FSTL1: variants seen among roughly 807,000 people sequenced by gnomAD.
FSTL1 encodes the protein follistatin like 1.
In FSTL1, 24 loss-of-function variants were observed where a neutral mutation model predicts 45.9. The observed-to-expected ratio is 0.52, with a 90% CI of 0.38 to 0.74. The LOEUF is 0.74. Ranked by LOEUF, FSTL1 falls within the 30% of genes least tolerant of loss-of-function variation. The pLI, the probability that FSTL1 is intolerant of heterozygous loss-of-function variation, is 0.00. For synonymous variants in FSTL1, 120 were observed against 137.6 expected, an observed-to-expected ratio of 0.87 and a Z score of 0.89; for missense variants, 340 against 381.8, an observed-to-expected ratio of 0.89 and a Z score of 0.91.
At position 120,450,736 on chromosome 3, in the gene FSTL1, C is replaced by T. The variant is rs1937877206; in HGVS notation, c.11G>A (p.Arg4His). 3 of 1,579,484 alleles carry T rather than the reference C, an allele frequency of 1.9e-6. No individual in the cohort carries two copies. Among genetic ancestry groups the T allele is most frequent in the Non-Finnish European group, 1.7e-6 (2 of 1,169,514 alleles). Residue 4 changes from arginine (R) to histidine (H), a missense_variant, in exon 2 of 11, where the codon CGC (arginine) becomes CAC (histidine). Coordinates refer to ENST00000295633, the MANE Select transcript of FSTL1 (RefSeq NM_007085.5). MWK[R>H]WLALALALVA... ...CAGCGCGAGCGCGAGCGCGAGCCAG[C>T]GTTTCCACATCTGCGGAAGAGAGAA...
rs931113713 is a variant in FSTL1 at position 120,392,901 on chromosome 3, C to A, written c.*4051G>T. The A allele has an allele frequency of 3.3e-4, 50 of 152,106 alleles. 2 individuals carry two copies. Among genetic ancestry groups the A allele is most frequent in the Admixed American group, 3.1e-3 (48 of 15,278 alleles). 9.4% of individuals were successfully genotyped at this position (152,106 alleles called of 1,614,324 possible). ...AAAGAAGCTCTAAAATAAAGCTGAT[C>A]AAAGTAACATACTTCTTTGCACAAT... On this transcript the variant is annotated 3_prime_UTR_variant, in exon 11 of 11. Transcript: ENST00000295633.
At chr3:120,436,647 A>C (rs1937565423) in intron 2 of FSTL1, among the ~76,000 whole-genome samples, 1 of 152,242 alleles carries the variant, frequency 6.6e-6, no homozygotes, top group Non-Finnish European at 1.5e-5. Flanking sequence ...AAGGAAAGAA[A>C]ATAGAAAATG....
intron 2 of FSTL1, among the ~76,000 whole-genome samples, chr3:120,447,065 G>C (rs1937764337): frequency 1.3e-5 from 2 of 152,156 alleles, no homozygotes; most frequent in South Asian, 4.1e-4. Flanking sequence ...GTACTTGCCA[G>C]GGCTGTCTTC....
chr3:120,415,414 C>T (rs1450295419), intron 3 of FSTL1, among the ~76,000 whole-genome samples: 1 of 152,176 alleles, frequency 6.6e-6, no homozygotes, highest in African/African-American at 2.4e-5. Context: ...ATGTGCTGAT[C>T]TAGAGGGTTG....
chr3:120,410,804 AGC>A, intron 5 of FSTL1, 146 bp downstream of exon 5: 1 of 762,648 alleles, frequency 1.3e-6, no homozygotes, highest in Non-Finnish European at 2.4e-6. Flanking sequence ...AGCTTTTCTG[AGC>A]TGTGTTGAGG....
intron 3 of FSTL1, 58 bp from the exon 4 acceptor site, chr3:120,412,041 ACACACACACATACATG>A (rs1937065380): frequency 5.8e-5 from 41 of 710,870 alleles, no homozygotes; most frequent in Non-Finnish European, 8.7e-5. Flanking sequence ...ACACAGACAC[ACACACACACATACATG>A]CACACACACA....
intron 2 of FSTL1, among the ~76,000 whole-genome samples, chr3:120,449,956 AGC>A (rs1234235989): frequency 2.0e-5 from 3 of 152,128 alleles, no homozygotes; most frequent in Non-Finnish European, 4.4e-5. Context: ...GAGTTAATGG[AGC>A]GGCTTCTGAG....
chr3:120,446,484 C>A (rs572483095), intron 2 of FSTL1, among the ~76,000 whole-genome samples: 1 of 152,374 alleles, frequency 6.6e-6, no homozygotes, highest in East Asian at 1.9e-4. Context: ...CCCTTCTGTT[C>A]TGGCTAGTCT....
At chr3:120,442,276 C>G (rs1482606166) in intron 2 of FSTL1, among the ~76,000 whole-genome samples, 1 of 152,154 alleles carries the variant, frequency 6.6e-6, no homozygotes, top group Non-Finnish European at 1.5e-5. Context: ...GTAACTTGCA[C>G]AAGGCCTCAC....
At chr3:120,397,579 C>T (rs190748869) in intron 10 of FSTL1, among the ~76,000 whole-genome samples, 138 of 152,268 alleles carry the variant, frequency 9.1e-4, no homozygotes, top group African/African-American at 3.2e-3. Context: ...ACTTGACACC[C>T]GCTAGGACAG....
Position 120,393,284 on chromosome 3 carries a change from A to G in FSTL1, c.*3668T>C, listed in dbSNP as rs955421849. On this transcript the variant is annotated 3_prime_UTR_variant, in exon 11 of 11. Coordinates refer to ENST00000295633, the MANE Select transcript of FSTL1 (RefSeq NM_007085.5). Reference sequence around the variant, plus strand: ...AATTTTAGGAAAGCAAAACTTCCACATGACTGAACCGAAGAAACCTTAAAC... The same window carrying G: ...AATTTTAGGAAAGCAAAACTTCCACGTGACTGAACCGAAGAAACCTTAAAC... 3.9e-5 allele frequency: 6 copies of G among 152,226 alleles called. No individual in the cohort carries two copies. The highest frequency in any genetic ancestry group is 1.4e-4 in the African/African-American group (6 of 41,454). 9.4% of individuals were successfully genotyped at this position (152,226 alleles called of 1,614,324 possible).
At chr3:120,442,765 A>G (rs1937649060) in intron 2 of FSTL1, among the ~76,000 whole-genome samples, 1 of 144,814 alleles carries the variant, frequency 6.9e-6, no homozygotes, top group Non-Finnish European at 1.5e-5. Flanking sequence ...CCTGGGTGAC[A>G]GAGCGGACTC....
At chr3:120,425,133 G>A (rs767174873) in intron 2 of FSTL1, among the ~76,000 whole-genome samples, 12 of 152,176 alleles carry the variant, frequency 7.9e-5, no homozygotes, top group Admixed American at 2.0e-4. Context: ...CACATGGCCA[G>A]GGTATGGGGC....
At chr3:120,450,118 G>T (rs1404356129) in intron 2 of FSTL1, among the ~76,000 whole-genome samples, 2 of 152,078 alleles carry the variant, frequency 1.3e-5, no homozygotes, top group Non-Finnish European at 2.9e-5. Context: ...CTTGCGCAAC[G>T]TTACAGGGAA....
intron 10 of FSTL1, among the ~76,000 whole-genome samples, 178 bp from the exon 11 acceptor site, chr3:120,397,174 C>T (rs956178698): frequency 1.3e-5 from 2 of 152,198 alleles, no homozygotes; most frequent in African/African-American, 2.4e-5. Context: ...ATGGCCTATT[C>T]ATGACATGGT....
intron 9 of FSTL1, among the ~76,000 whole-genome samples, chr3:120,401,585 C>CTT (rs11361184): frequency 2.7e-5 from 4 of 146,712 alleles, no homozygotes; most frequent in Admixed American, 1.4e-4. Flanking sequence ...TTAAAATAAA[C>CTT]TTTTTTTTTT....
Position 120,395,545 on chromosome 3 carries a change from C to G in FSTL1, c.*1407G>C. The stretch of plus-strand genomic sequence containing the variant: ...GAGTGGGGTGGTTCTCTTTCCCACT[C>G]TCTTCCTGCTTTACCCATGAGGACT... On this transcript the variant is annotated 3_prime_UTR_variant, in exon 11 of 11. Coordinates refer to ENST00000295633, the MANE Select transcript of FSTL1 (RefSeq NM_007085.5). The G allele has an allele frequency of 2.3e-6, 1 of 444,184 alleles. No homozygotes were observed. The highest frequency in any genetic ancestry group is 3.1e-5 in the Admixed American group (1 of 32,630). 27.5% of individuals were successfully genotyped at this position (444,184 alleles called of 1,614,324 possible).
At chr3:120,402,127 A>G (rs1936839057) in intron 9 of FSTL1, among the ~76,000 whole-genome samples, 1 of 152,166 alleles carries the variant, frequency 6.6e-6, no homozygotes, top group Non-Finnish European at 1.5e-5. Context: ...ACAAACTCTC[A>G]GATTTCTCTG....
At chr3:120,425,584 T>C (rs1266227571) in intron 2 of FSTL1, among the ~76,000 whole-genome samples, 2 of 152,192 alleles carry the variant, frequency 1.3e-5, no homozygotes, top group South Asian at 2.1e-4. Context: ...GCAGAGGTTA[T>C]AGATGATGCC....
Sources: allele counts gnomAD v4.1 joint callset (sites outside exome capture counted in the v4.1 genomes callset), GRCh38; gene constraint gnomAD v4.1.1; transcripts MANE v1.5; gene names NCBI Gene and HGNC (gene_info 2026-07-23, HGNC 2026-07-21).